The following FHL1 variants were observed in gnomAD, a reference collection of about 807,000 sequenced individuals.
FHL1 encodes four and a half LIM domains 1.
Under a neutral mutation model 20.3 loss-of-function variants are expected in FHL1, and 1 was observed. The ratio of observed to expected loss-of-function variants is 0.05; its 90% CI spans 0.02 to 0.23. The LOEUF (loss-of-function observed/expected upper bound fraction) is 0.23, where lower values mean the gene tolerates loss of function less well. FHL1 is among the 10% of genes least tolerant of loss of function. The pLI is 1.00. For synonymous variants in FHL1, 82 were observed against 88.9 expected (o/e 0.92, Z 0.44); for missense variants, 177 against 234.0 (o/e 0.76, Z 1.59).
At chrX:136,165,126 AAACTGGACTTTATTATATTTCTAT>A (rs1171872250), upstream of FHL1, among the ~76,000 whole-genome samples, 1 of 112,105 alleles carries the variant, frequency 8.9e-6, no homozygotes, top group Non-Finnish European at 1.9e-5. Flanking sequence ...TAAGGACACA[AAACTGGACTTTATTATATTTCTAT>A]AACTGGTAAT....
At chrX:136,192,287 G>T (rs1051184073), upstream of FHL1, among the ~76,000 whole-genome samples, 1 of 111,637 alleles carries the variant, frequency 9.0e-6, no homozygotes, top group Non-Finnish European at 1.9e-5. Flanking sequence ...GGCCCATAAA[G>T]TATCTGTAGG....
At chrX:136,160,270 AT>A (rs895629602) in intron 1 of FHL1, among the ~76,000 whole-genome samples, 1 of 111,267 alleles carries the variant, frequency 9.0e-6, no homozygotes, top group African/African-American at 3.3e-5. Context: ...TAGAAGGCAA[AT>A]GGGAGCCATC....
rs1473323685 is a variant in FHL1 at position 136,210,514 on chromosome X, T to C, written c.*489T>C. 1.3e-5 allele frequency: 5 copies of C among 389,667 alleles called. No homozygotes were observed. The highest frequency in any genetic ancestry group is 1.2e-4 in the African/African-American group (5 of 40,721). The allele number at this position is 389,667 out of a possible 1,213,427, so 32.1% of individuals were successfully genotyped here. On this transcript the variant is annotated 3_prime_UTR_variant, in exon 6 of 6. Coordinates refer to ENST00000370683, the MANE Select transcript of FHL1 (RefSeq NM_001159699.2). ...TACTGACATGCATGGTTTAACTTCCTCATCAGAACTCTGCCCTTCCTTCTG... is the reference window on the plus strand; with the variant it reads ...TACTGACATGCATGGTTTAACTTCCCCATCAGAACTCTGCCCTTCCTTCTG...
intron 1 of FHL1, among the ~76,000 whole-genome samples, chrX:136,199,989 A>G (rs776270303): frequency 2.7e-5 from 3 of 112,771 alleles, no homozygotes; most frequent in Non-Finnish European, 1.9e-5. Flanking sequence ...TTGTAATGTT[A>G]TATTACTTGT....
intron 1 of FHL1, among the ~76,000 whole-genome samples, chrX:136,156,104 T>TA (rs1047814657): frequency 3.7e-5 from 4 of 107,042 alleles, no homozygotes; most frequent in Non-Finnish European, 7.7e-5. Flanking sequence ...CTACTATAGA[T>TA]AAAAAAGGCA....
intron 1 of FHL1, chrX:136,206,088 G>GCT: frequency 2.7e-6 from 1 of 367,919 alleles, no homozygotes; most frequent in Non-Finnish European, 4.9e-6. Context: ...GCCAACACAG[G>GCT]CTCTGATCCA....
At chrX:136,157,446 A>G (rs921751119) in intron 1 of FHL1, among the ~76,000 whole-genome samples, 4 of 112,112 alleles carry the variant, frequency 3.6e-5, no homozygotes, top group Non-Finnish European at 7.5e-5. Context: ...TGTTAGAGCC[A>G]CTTTTAAAAT....
chrX:136,160,291 CTG>C (rs1014186988), intron 1 of FHL1, among the ~76,000 whole-genome samples: 6 of 111,706 alleles, frequency 5.4e-5, no homozygotes, highest in Non-Finnish European at 9.4e-5. Context: ...CACTCAAGCA[CTG>C]TGTATCTTGA....
chrX:136,196,162 A>C (rs199544633), upstream of FHL1, among the ~76,000 whole-genome samples: 2 of 110,827 alleles, frequency 1.8e-5, no homozygotes, highest in East Asian at 5.7e-4. Flanking sequence ...CTCTGGGCAC[A>C]GGGGACAGTG....
intron 1 of FHL1, among the ~76,000 whole-genome samples, chrX:136,163,764 T>G (rs2072637455): frequency 9.0e-6 from 1 of 111,576 alleles, no homozygotes; most frequent in African/African-American, 3.3e-5. Context: ...TGCTTTGATT[T>G]AGGAGTTATA....
intron 1 of FHL1, among the ~76,000 whole-genome samples, chrX:136,163,090 G>A (rs768376677): frequency 8.9e-6 from 1 of 112,203 alleles, no homozygotes; most frequent in South Asian, 3.7e-4. Flanking sequence ...ATCCACCAGG[G>A]AGGAGCTCTC....
At chrX:136,206,981 C>G (rs1485417840) in intron 2 of FHL1, 35 bp from the exon 3 acceptor site, 4 of 1,208,235 alleles carry the variant, frequency 3.3e-6, no homozygotes, top group South Asian at 3.5e-5. Flanking sequence ...CCCAGCACCC[C>G]TCATGGTGGC....
Position 136,211,254 on chromosome X carries a change from G to T in FHL1, c.*1229G>T, listed in dbSNP as rs1225955978. The T allele has an allele frequency of 2.9e-6, 1 of 344,714 alleles. No homozygotes were observed. The highest frequency in any genetic ancestry group is 5.6e-6 in the Non-Finnish European group (1 of 179,079). 28.4% of individuals were successfully genotyped at this position (344,714 alleles called of 1,213,427 possible). On this transcript the variant is annotated 3_prime_UTR_variant, in exon 6 of 6. Coordinates refer to ENST00000370683, the MANE Select transcript of FHL1 (RefSeq NM_001159699.2). ...AATACATACTAACATTCTTGTAGGA[G>T]TGGTTAGAGAAGCTGATGCCTCATT...
chrX:136,164,189 C>T (rs1219865790), intron 1 of FHL1, among the ~76,000 whole-genome samples: 1 of 103,740 alleles, frequency 9.6e-6, no homozygotes, highest in Admixed American at 1.1e-4. Context: ...GTTCTTTGTG[C>T]TTGATAACTG....
upstream of FHL1, among the ~76,000 whole-genome samples, chrX:136,165,161 A>G (rs1258584728): frequency 1.8e-5 from 2 of 112,030 alleles, no homozygotes. Context: ...AACTGGTAAT[A>G]TCCTTCCAGT....
chrX:136,160,999 G>A (rs1274414354), intron 1 of FHL1, among the ~76,000 whole-genome samples: 3 of 111,898 alleles, frequency 2.7e-5, no homozygotes, highest in Non-Finnish European at 5.6e-5. Context: ...AAATCCTGCA[G>A]CTGACGTGAC....
upstream of FHL1, chrX:136,147,353 C>G (rs1253027195): frequency 1.5e-5 from 1 of 65,638 alleles, no homozygotes; most frequent in Non-Finnish European, 3.0e-5. Flanking sequence ...GCGCCCCGCA[C>G]ACAGCCTCCG....
chrX:136,151,135 A>G (rs1019741135), intron 1 of FHL1, among the ~76,000 whole-genome samples: 1 of 112,357 alleles, frequency 8.9e-6, no homozygotes, highest in Non-Finnish European at 1.9e-5. Context: ...GGTGGTTTTC[A>G]GCCAGGGCGC....
chrX:136,151,384 G>A (rs1190231883), intron 1 of FHL1, among the ~76,000 whole-genome samples: 1 of 112,923 alleles, frequency 8.9e-6, no homozygotes, highest in Admixed American at 9.3e-5. Context: ...AGGTGACTGA[G>A]TAGTTGGCGG....
Sources: gnomAD v4.1 joint callset for allele counts (sites outside exome capture counted in the v4.1 genomes callset) on GRCh38, gnomAD v4.1.1 for gene constraint, MANE v1.5 for transcripts, NCBI Gene and HGNC (gene_info 2026-07-23, HGNC 2026-07-21) for gene names.